The following GSG1L variants were observed in gnomAD, a reference collection of about 807,000 sequenced individuals.
GSG1L encodes the protein GSG1 like.
In GSG1L, 24 loss-of-function variants were observed where a neutral mutation model predicts 42.1. The ratio of observed to expected loss-of-function variants is 0.57; its 90% CI spans 0.41 to 0.80. The LOEUF (loss-of-function observed/expected upper bound fraction) is 0.80. Among genes scored for constraint, GSG1L ranks in the 30% least tolerant of loss-of-function variants. GSG1L has a pLI of 0.00. For synonymous variants in GSG1L, 215 were observed against 203.5 expected (o/e 1.06, Z -0.48); for missense variants, 445 against 472.2 (o/e 0.94, Z 0.53).
chr16:27,815,616 C>G (rs1315892873), intron 5 of GSG1L, among the ~76,000 whole-genome samples: 1 of 152,210 alleles, frequency 6.6e-6, no homozygotes, highest in Non-Finnish European at 1.5e-5. Flanking sequence ...CCGGGCACCC[C>G]AGACGTGTCA....
intron 1 of GSG1L, among the ~76,000 whole-genome samples, chr16:27,989,749 A>AC (rs1434487167): frequency 8.6e-5 from 13 of 151,768 alleles, no homozygotes; most frequent in Admixed American, 3.9e-4. Flanking sequence ...AAAAAAAAAA[A>AC]ACAACAAACA....
At chr16:27,904,784 T>C (rs58311490) in intron 2 of GSG1L, among the ~76,000 whole-genome samples, 2,503 of 152,126 alleles carry the variant, frequency 0.016, 57 homozygotes, top group African/African-American at 0.057. Flanking sequence ...CTTTCCTCCT[T>C]AAGGAAAGGT....
intron 3 of GSG1L, among the ~76,000 whole-genome samples, chr16:27,879,873 T>C (rs960448072): frequency 3.4e-4 from 52 of 151,898 alleles, no homozygotes; most frequent in East Asian, 1.2e-3. Flanking sequence ...TTTTTTTTTT[T>C]CCCAAATGGT....
intron 5 of GSG1L, among the ~76,000 whole-genome samples, chr16:27,827,399 T>C (rs905040721): frequency 3.3e-5 from 5 of 151,936 alleles, no homozygotes; most frequent in East Asian, 1.9e-4. Flanking sequence ...GCCACAAACA[T>C]AGGCACAGCA....
Position 28,000,050 on chromosome 16 carries a change from G to A in GSG1L, c.350-36847C>T, listed in dbSNP as rs113016639. On this transcript the variant is annotated intron_variant, in intron 1 of 6. Coordinates refer to ENST00000447459, the MANE Select transcript of GSG1L (RefSeq NM_001109763.2). Reference sequence around the variant, plus strand: ...GGAAGAAACAGAGGTTCAGAGGAATGGAGACACGGCTCAAGTCCTTTTAGC... The same window carrying A: ...GGAAGAAACAGAGGTTCAGAGGAATAGAGACACGGCTCAAGTCCTTTTAGC... Among the ~76,000 whole-genome samples the A allele has an allele frequency of 4.3e-4, 66 of 152,338 alleles. 2 individuals carry two copies. Among genetic ancestry groups the A allele is most frequent in the African/African-American group, 1.2e-3 (51 of 41,584 alleles).
chr16:27,997,123 G>A (rs1180079591), intron 1 of GSG1L, among the ~76,000 whole-genome samples: 1 of 152,054 alleles, frequency 6.6e-6, no homozygotes, highest in African/African-American at 2.4e-5. Flanking sequence ...AAATCAAGGT[G>A]TAGGCCCAGC....
At chr16:27,937,599 A>G (rs1041267831) in intron 2 of GSG1L, among the ~76,000 whole-genome samples, 2 of 152,172 alleles carry the variant, frequency 1.3e-5, no homozygotes, top group African/African-American at 4.8e-5. Flanking sequence ...CCAATCAGCA[A>G]TCTTTCACCT....
At chr16:27,929,502 C>T (rs2084632720) in intron 2 of GSG1L, among the ~76,000 whole-genome samples, 1 of 152,106 alleles carries the variant, frequency 6.6e-6, no homozygotes, top group African/African-American at 2.4e-5. Flanking sequence ...TAAGTACGGA[C>T]ATCCTCCCTT....
At chr16:27,903,094 G>T (rs941261752) in intron 2 of GSG1L, among the ~76,000 whole-genome samples, 3 of 152,098 alleles carry the variant, frequency 2.0e-5, no homozygotes, top group African/African-American at 7.2e-5. Flanking sequence ...TCTGGAGGAG[G>T]AGCTGGAGGA....
At chr16:27,857,200 G>A (rs1228233462) in intron 3 of GSG1L, among the ~76,000 whole-genome samples, 2 of 152,290 alleles carry the variant, frequency 1.3e-5, no homozygotes, top group East Asian at 3.9e-4. Context: ...GCCAAGGTGG[G>A]CAGATTATTT....
At chr16:27,832,727 C>A (rs1438118282) in intron 4 of GSG1L, among the ~76,000 whole-genome samples, 1 of 152,200 alleles carries the variant, frequency 6.6e-6, no homozygotes, top group Non-Finnish European at 1.5e-5. Context: ...GGTTGAACAA[C>A]TTTTCATTTG....
intron 5 of GSG1L, among the ~76,000 whole-genome samples, chr16:27,822,112 GA>G (rs2083157321): frequency 6.6e-6 from 1 of 151,898 alleles, no homozygotes; most frequent in Non-Finnish European, 1.5e-5. Context: ...GGGGCAGGGA[GA>G]GGGGAACCCC....
intron 1 of GSG1L, among the ~76,000 whole-genome samples, chr16:27,963,464 G>A (rs558230758): frequency 1.3e-5 from 2 of 152,078 alleles, no homozygotes; most frequent in African/African-American, 4.8e-5. Flanking sequence ...CCTTTCCACA[G>A]CCTCCCCCCA....
rs1289834394 is a variant in GSG1L, at chr16:27,828,810, G to T, written c.809C>A (p.Ala270Asp). ...TGACCTCTCCCGGAAGTACTTGATGGCCTCAGGGTCTATGAAGGTCGGCTC... is the reference window on the plus strand; with the variant it reads ...TGACCTCTCCCGGAAGTACTTGATGTCCTCAGGGTCTATGAAGGTCGGCTC... ...REEPTFIDPE[A>D]IKYFRERMEK... Residue 270 changes from alanine (A) to aspartate (D), a missense_variant, in exon 5 of 7, where the codon GCC (alanine) becomes GAC (aspartate). By Grantham distance (126) the Ala-to-Asp change is moderately radical. Transcript: ENST00000447459. The T allele has an allele frequency of 6.2e-7, 1 of 1,614,068 alleles. No homozygotes were observed. Among genetic ancestry groups the T allele is most frequent in the Middle Eastern group, 1.7e-4 (1 of 6,058 alleles).
At chr16:27,885,192 C>T (rs1465497014) in intron 2 of GSG1L, among the ~76,000 whole-genome samples, 2 of 152,118 alleles carry the variant, frequency 1.3e-5, no homozygotes. Context: ...CTCTGTCACC[C>T]AGGCTGGAGT....
intron 5 of GSG1L, among the ~76,000 whole-genome samples, chr16:27,820,880 G>A (rs956059450): frequency 6.6e-6 from 1 of 152,174 alleles, no homozygotes; most frequent in Non-Finnish European, 1.5e-5. Flanking sequence ...AACTCCCATC[G>A]AGGCGCTCAC....
At chr16:27,941,503 T>C (rs2084794625) in intron 2 of GSG1L, among the ~76,000 whole-genome samples, 1 of 141,864 alleles carries the variant, frequency 7.0e-6, no homozygotes, top group African/African-American at 2.7e-5. Context: ...AAACCCCGTC[T>C]CTACTAAAAA....
At chr16:28,027,066 C>T (rs2085908224) in intron 1 of GSG1L, among the ~76,000 whole-genome samples, 1 of 152,144 alleles carries the variant, frequency 6.6e-6, no homozygotes, top group Admixed American at 6.6e-5. Flanking sequence ...TGGGACAGTA[C>T]ACGCCCCTTC....
At chr16:27,793,993 T>C (rs1310944255) in intron 6 of GSG1L, among the ~76,000 whole-genome samples, 1 of 151,190 alleles carries the variant, frequency 6.6e-6, no homozygotes, top group Non-Finnish European at 1.5e-5. Flanking sequence ...TGGGCTCAGA[T>C]CTTCCTAAAC....
Sources: allele counts gnomAD v4.1 joint callset (sites outside exome capture counted in the v4.1 genomes callset), GRCh38; gene constraint gnomAD v4.1.1; transcripts MANE v1.5; gene names NCBI Gene and HGNC (gene_info 2026-07-23, HGNC 2026-07-21).